Variants in CD93 observed in about 807,000 individuals in gnomAD.
The protein encoded by CD93 is complement component C1q receptor.
Under a neutral mutation model 45.5 loss-of-function variants are expected in CD93, and 44 were observed. The ratio of observed to expected loss-of-function variants is 0.97; its 90% CI spans 0.76 to 1.24. The LOEUF (loss-of-function observed/expected upper bound fraction) is 1.24. Among genes scored for constraint, CD93 ranks in the 50% most tolerant of loss-of-function variants. CD93 has a pLI of 0.00. For missense variants in CD93, 918 were observed against 844.5 expected (o/e 1.09, Z -1.08); for synonymous variants, 431 against 370.8 (o/e 1.16, Z -1.87).
Position 23,080,073 on chromosome 20 carries a change from T to C in CD93, c.*3877A>G, listed in dbSNP as rs1985285430. On this transcript the variant is annotated 3_prime_UTR_variant, in exon 2 of 2. Transcript: ENST00000246006. ...GGGATCATATCTCAGATTCCCAAGC[T>C]AAAGCTATTGTTCAAGGTGATGGAA... is the stretch of plus-strand genomic sequence containing the variant. The C allele has an allele frequency of 6.6e-6, 1 of 152,540 alleles. No individual in the cohort carries two copies. The highest frequency in any genetic ancestry group is 1.9e-4 in the East Asian group (1 of 5,180). The allele number at this position is 152,540 out of a possible 1,614,324, so 9.4% of individuals were successfully genotyped here.
At position 23,085,216 on chromosome 20, in the gene CD93, T is replaced by C. The variant is rs1399356541; in HGVS notation, c.977A>G (p.Tyr326Cys). ...GTACCCTTGGGGGCAGCGGCACGTG[T>C]AGTTTTTCCCATGGGGTCCCAGGAC... The part of the protein sequence containing the change: ...TCVLGPHGKN[Y>C]TCRCPQGYQL... The change falls in exon 1 of 2, where the codon TAC (tyrosine) becomes TGC (cysteine). Residue 326 changes from tyrosine (Y) to cysteine (C), a missense_variant. Coordinates refer to ENST00000246006, the MANE Select transcript of CD93 (RefSeq NM_012072.4). 1 of 1,604,810 alleles carries C rather than the reference T, an allele frequency of 6.2e-7. No homozygotes were observed. The highest frequency in any genetic ancestry group is 8.5e-7 in the Non-Finnish European group (1 of 1,175,150).
chr20:23,083,952 A>G lies in CD93; in HGVS notation c.1957T>C (p.Ter653ArgextTer2). The G allele has an allele frequency of 6.2e-7, 1 of 1,614,100 alleles. No homozygotes were observed. Among genetic ancestry groups the G allele is most frequent in the Middle Eastern group, 1.7e-4 (1 of 6,044 alleles). The change falls in exon 2 of 2, where the codon TGA becomes CGA. Residue 653 changes from the stop codon to arginine (R), a stop_lost. Coordinates refer to ENST00000246006, the MANE Select transcript of CD93 (RefSeq NM_012072.4). ...QYSPTPGTDC[*>R] Reference sequence around the variant, plus strand: ...GTGTCTCTAGGGCCACCTCACTTTCAGCAGTCTGTCCCAGGTGTCGGACTA... The same window carrying G: ...GTGTCTCTAGGGCCACCTCACTTTCGGCAGTCTGTCCCAGGTGTCGGACTA...
Position 23,085,831 on chromosome 20 carries a change from T to TTGGCCCCCCC in CD93, c.361_362insGGGGGGGCCA (p.Glu121GlyfsTer10). 20 of 1,491,180 alleles carry TTGGCCCCCCC rather than the reference T, an allele frequency of 1.3e-5. No individual in the cohort carries two copies. Among genetic ancestry groups the TTGGCCCCCCC allele is most frequent in the Non-Finnish European group, 1.6e-5 (18 of 1,097,802 alleles). The allele number at this position is 1,491,180 out of a possible 1,614,324, so 92.4% of individuals were successfully genotyped here. On this transcript the variant is annotated frameshift_variant, in exon 1 of 2. Coordinates refer to ENST00000246006, the MANE Select transcript of CD93 (RefSeq NM_012072.4). LOFTEE classifies it high-confidence loss of function. ...GTGCCAGTTAGAGTAAGGCGTGTCC[T>TTGGCCCCCCC]CCCCCCCGCCCACCCAGCTGAAGCC...
In CD93 at chr20:23,085,246, G is replaced by A. The variant is rs1568678351; in HGVS notation, c.947C>T (p.Thr316Met). ...CSSSPCRGGA[T>M]CVLGPHGKNY... Reference sequence around the variant, plus strand: ...TTTCCCATGGGGTCCCAGGACGCACGTGGCCCCCCCACGACATGGGCTGGA... The same window carrying A: ...TTTCCCATGGGGTCCCAGGACGCACATGGCCCCCCCACGACATGGGCTGGA... Residue 316 changes from threonine (T) to methionine (M), a missense_variant, in exon 1 of 2, where the codon ACG (threonine) becomes ATG (methionine). By Grantham distance (81) the Thr-to-Met change is moderately conservative. Coordinates refer to ENST00000246006, the MANE Select transcript of CD93 (RefSeq NM_012072.4). The A allele has an allele frequency of 2.5e-6, 4 of 1,612,354 alleles. No individual in the cohort carries two copies. Among genetic ancestry groups the A allele is most frequent in the South Asian group, 2.2e-5 (2 of 90,942 alleles).
At position 23,083,796 on chromosome 20, in the gene CD93, T is replaced by C; in HGVS notation, c.*154A>G. The C allele has an allele frequency of 1.4e-6, 1 of 722,434 alleles. No individual in the cohort carries two copies. Among genetic ancestry groups the C allele is most frequent in the Non-Finnish European group, 2.5e-6 (1 of 397,140 alleles). The allele number at this position is 722,434 out of a possible 1,614,324, so 44.8% of individuals were successfully genotyped here. Reference sequence around the variant, plus strand: ...CAAACACCCGTAGAAAATACCTGCATGTTCCAAGGGGCCTTTAAGGAGGAG... The same window carrying C: ...CAAACACCCGTAGAAAATACCTGCACGTTCCAAGGGGCCTTTAAGGAGGAG... On this transcript the variant is annotated 3_prime_UTR_variant, in exon 2 of 2. Coordinates refer to ENST00000246006, the MANE Select transcript of CD93 (RefSeq NM_012072.4).
At position 23,082,617 on chromosome 20, in the gene CD93, A is replaced by C. The variant is rs1444415958; in HGVS notation, c.*1333T>G. ...AGTGCACACTATCGACTACATTATC[A>C]TAGGGAGAAATATTTGCAAATGTAA... On this transcript the variant is annotated 3_prime_UTR_variant, in exon 2 of 2. Transcript: ENST00000246006. 6.6e-6 allele frequency: 1 copy of C among 152,078 alleles called. No individual in the cohort carries two copies. The highest frequency in any genetic ancestry group is 2.4e-5 in the African/African-American group (1 of 41,380). 9.4% of individuals were successfully genotyped at this position (152,078 alleles called of 1,614,324 possible). A position where few individuals can be genotyped will look rare whatever the true frequency, so the allele number is the denominator to read the frequency against.
rs1013053250 is a variant in CD93 at position 23,080,407 on chromosome 20, G to T, written c.*3543C>A. ...AAGGGCTTGTGATGAGGATGGAAAA[G>T]ACAAAGCAACTTGAAGAGAAAAAAA... On this transcript the variant is annotated 3_prime_UTR_variant, in exon 2 of 2. Transcript: ENST00000246006. 3 of 152,610 alleles carry T rather than the reference G, an allele frequency of 2.0e-5. No homozygotes were observed. The highest frequency in any genetic ancestry group is 3.4e-3 in the Middle Eastern group (1 of 294). 9.5% of individuals were successfully genotyped at this position (152,610 alleles called of 1,614,324 possible).
Position 23,084,648 on chromosome 20 carries a change from G to C in CD93, c.1545C>G (p.Thr515=), listed in dbSNP as rs774092749. The part of the protein sequence containing the change: ...GPEGTPKATP[T]TSRPSLSSDA... ...CAGATGACAGCGAAGGTCTACTTGT[G>C]GTGGGTGTAGCCTTGGGGGTGCCCT... The change falls in exon 1 of 2, where the codon ACC becomes ACG. Residue 515 remains threonine (T), a synonymous_variant. Transcript: ENST00000246006. 1 of 1,598,128 alleles carries C rather than the reference G, an allele frequency of 6.3e-7. No homozygotes were observed. Among genetic ancestry groups the C allele is most frequent in the Middle Eastern group, 1.7e-4 (1 of 5,960 alleles).
At position 23,085,096 on chromosome 20, in the gene CD93, C is replaced by G. The variant is rs142218043; in HGVS notation, c.1097G>C (p.Arg366Pro). 19 of 1,605,764 alleles carry G rather than the reference C, an allele frequency of 1.2e-5. No individual in the cohort carries two copies. Among genetic ancestry groups the G allele is most frequent in the Admixed American group, 3.4e-5 (2 of 59,412 alleles). The change falls in exon 1 of 2, where the codon CGC (arginine) becomes CCC (proline). Residue 366 changes from arginine to proline, a missense_variant. Arg to Pro is a moderately radical substitution (Grantham distance 103). Coordinates refer to ENST00000246006, the MANE Select transcript of CD93 (RefSeq NM_012072.4). Reference protein sequence around the residue: ...QECVNTPGGFRCECWVGYEPG... With the variant: ...QECVNTPGGFPCECWVGYEPG... The stretch of plus-strand genomic sequence containing the variant: ...CTCATAGCCAACCCAGCATTCGCAG[C>G]GGAAGCCCCCAGGGGTGTTGACACA...
rs1228498975 is a variant in CD93 at position 23,079,364 on chromosome 20, T to C, written c.*4586A>G. On this transcript the variant is annotated 3_prime_UTR_variant, in exon 2 of 2. Transcript: ENST00000246006. ...TTAAAACAAGTTCACAATCAATGTG[T>C]TTAAGAGTTTATTAGGATAGGCACA... The C allele has an allele frequency of 6.6e-6, 1 of 152,184 alleles. No homozygotes were observed. Among genetic ancestry groups the C allele is most frequent in the Non-Finnish European group, 1.5e-5 (1 of 68,042 alleles). 9.4% of individuals were successfully genotyped at this position (152,184 alleles called of 1,614,324 possible).
Position 23,085,831 on chromosome 20 carries a change from T to TTGGG in CD93, c.361_362insCCCA (p.Glu121AlafsTer8). 60 of 1,490,666 alleles carry TTGGG rather than the reference T, an allele frequency of 4.0e-5. No individual in the cohort carries two copies. Among genetic ancestry groups the TTGGG allele is most frequent in the Non-Finnish European group, 5.2e-5 (57 of 1,097,336 alleles). 92.3% of individuals were successfully genotyped at this position (1,490,666 alleles called of 1,614,324 possible). A position where few individuals can be genotyped will look rare whatever the true frequency, so the allele number is the denominator to read the frequency against. ...GTGCCAGTTAGAGTAAGGCGTGTCCTCCCCCCCGCCCACCCAGCTGAAGCC... is the reference window on the plus strand; with the variant it reads ...GTGCCAGTTAGAGTAAGGCGTGTCCTTGGGCCCCCCCGCCCACCCAGCTGAAGCC... On this transcript the variant is annotated frameshift_variant, in exon 1 of 2. Coordinates refer to ENST00000246006, the MANE Select transcript of CD93 (RefSeq NM_012072.4). LOFTEE classifies it high-confidence loss of function.
In CD93 at chr20:23,085,134, G is replaced by A; in HGVS notation, c.1059C>T (p.Pro353=). 2 of 1,585,170 alleles carry A rather than the reference G, an allele frequency of 1.3e-6. No homozygotes were observed. The highest frequency in any genetic ancestry group is 1.7e-6 in the Non-Finnish European group (2 of 1,164,072). Residue 353 remains proline, a synonymous_variant, in exon 1 of 2, where the codon CCC becomes CCT. Coordinates refer to ENST00000246006, the MANE Select transcript of CD93 (RefSeq NM_012072.4). ...GGGTGTTGACACACTCCTGGGCACA[G>A]GGGGAGTCCTGGCATTCATCCACGT... ...CVDVDECQDS[P]CAQECVNTPG... is the part of the protein sequence containing the mutation.
In CD93 at chr20:23,083,058, C is replaced by CACA. The variant is rs1985368435; in HGVS notation, c.*891_*892insTGT. Reference sequence around the variant, plus strand: ...GGGCCACAGGCAGGGTGTCTGAGGCCTGCCCTGGCTCAAAGACAGGTTGTC... The same window carrying CACA: ...GGGCCACAGGCAGGGTGTCTGAGGCCACATGCCCTGGCTCAAAGACAGGTTGTC... On this transcript the variant is annotated 3_prime_UTR_variant, in exon 2 of 2. Transcript: ENST00000246006. 2 of 152,600 alleles carry CACA rather than the reference C, an allele frequency of 1.3e-5. No homozygotes were observed. The highest frequency in any genetic ancestry group is 2.9e-5 in the Non-Finnish European group (2 of 68,042). 9.5% of individuals were successfully genotyped at this position (152,600 alleles called of 1,614,324 possible).
chr20:23,083,103 T>C lies in CD93; in HGVS notation c.*847A>G, dbSNP rs573315359. 1.4e-4 allele frequency: 22 copies of C among 152,434 alleles called. No homozygotes were observed. Among genetic ancestry groups the C allele is most frequent in the African/African-American group, 5.1e-4 (21 of 41,566 alleles). 9.4% of individuals were successfully genotyped at this position (152,434 alleles called of 1,614,324 possible). On this transcript the variant is annotated 3_prime_UTR_variant, in exon 2 of 2. Coordinates refer to ENST00000246006, the MANE Select transcript of CD93 (RefSeq NM_012072.4). ...GTTGTCCTTGAATTTGTTTCCTTGTTAGTGTTGATCACATCCGTAGTCAAG... is the reference window on the plus strand; with the variant it reads ...GTTGTCCTTGAATTTGTTTCCTTGTCAGTGTTGATCACATCCGTAGTCAAG...
At position 23,085,371 on chromosome 20, in the gene CD93, G is replaced by T. The variant is rs777114914; in HGVS notation, c.822C>A (p.Asp274Glu). 1.2e-6 allele frequency: 2 copies of T among 1,613,974 alleles called. No individual in the cohort carries two copies. Among genetic ancestry groups the T allele is most frequent in the East Asian group, 2.2e-5 (1 of 44,864 alleles). ...CNFNNGGCHQ[D>E]CFEGGDGSFL... ...AGGAGCCATCCCCCCCTTCAAAGCA[G>T]TCCTGGTGGCAGCCCCCATTGTTGA... Residue 274 changes from aspartate to glutamate, a missense_variant, in exon 1 of 2, where the codon GAC becomes GAA. Asp to Glu is a conservative substitution (Grantham distance 45). Coordinates refer to ENST00000246006, the MANE Select transcript of CD93 (RefSeq NM_012072.4).
Position 23,083,993 on chromosome 20 carries a change from A to T in CD93, c.1935-19T>A. 6.2e-7 allele frequency: 1 copy of T among 1,613,888 alleles called. No individual in the cohort carries two copies. Among genetic ancestry groups the T allele is most frequent in the Non-Finnish European group, 8.5e-7 (1 of 1,179,940 alleles). On this transcript the variant is annotated intron_variant, in intron 1 of 1. Coordinates refer to ENST00000246006, the MANE Select transcript of CD93 (RefSeq NM_012072.4). ...TGTCGGACTATGGGAAACAAAACAG[A>T]CAGCGTTGGAAGCCATGGCGCCTCT...
At position 23,084,615 on chromosome 20, in the gene CD93, G is replaced by A. The variant is rs1162402595; in HGVS notation, c.1578C>T (p.Pro526=). ...TSRPSLSSDA[P]ITSAPLKMLA... ...GCATCTTGAGTGGGGCAGATGTGATGGGGGCGTCAGATGACAGCGAAGGTC... is the reference window on the plus strand; with the variant it reads ...GCATCTTGAGTGGGGCAGATGTGATAGGGGCGTCAGATGACAGCGAAGGTC... The change falls in exon 1 of 2, where the codon CCC becomes CCT. Residue 526 remains proline (P), a synonymous_variant. Coordinates refer to ENST00000246006, the MANE Select transcript of CD93 (RefSeq NM_012072.4). 7 of 1,609,348 alleles carry A rather than the reference G, an allele frequency of 4.3e-6. No individual in the cohort carries two copies. Among genetic ancestry groups the A allele is most frequent in the African/African-American group, 1.3e-5 (1 of 74,824 alleles).
Position 23,085,079 on chromosome 20 carries a change from C to A in CD93, c.1114G>T (p.Gly372Cys), listed in dbSNP as rs1238100947. The change falls in exon 1 of 2, where the codon GGC becomes TGC. Residue 372 changes from glycine (G) to cysteine (C), a missense_variant. Gly to Cys is a radical substitution (Grantham distance 159). Transcript: ENST00000246006. ...PGGFRCECWV[G>C]YEPGGPGEGA... ...TCTCCAGGACCGCCCGGCTCATAGC[C>A]AACCCAGCATTCGCAGCGGAAGCCC... 1.9e-6 allele frequency: 3 copies of A among 1,611,288 alleles called. No individual in the cohort carries two copies. In the African/African-American group the frequency reaches 4.0e-5, roughly 22 times the overall value.
Position 23,079,877 on chromosome 20 carries a change from C to A in CD93, c.*4073G>T, listed in dbSNP as rs1356045129. ...GACCAAAACACAATTTATTTTTAAA[C>A]AAGCCCTTCAGTGAGTATTTGTCTC... On this transcript the variant is annotated 3_prime_UTR_variant, in exon 2 of 2. Coordinates refer to ENST00000246006, the MANE Select transcript of CD93 (RefSeq NM_012072.4). 6.6e-6 allele frequency: 1 copy of A among 151,494 alleles called. No homozygotes were observed. The highest frequency in any genetic ancestry group is 1.5e-5 in the Non-Finnish European group (1 of 67,932). 9.4% of individuals were successfully genotyped at this position (151,494 alleles called of 1,614,324 possible).
Sources: allele counts gnomAD v4.1 joint callset, GRCh38; gene constraint gnomAD v4.1.1; transcripts MANE v1.5; gene names NCBI Gene and HGNC (gene_info 2026-07-23, HGNC 2026-07-21).